The following ZNF536 variants were observed in gnomAD, a reference collection of about 807,000 sequenced individuals.
The protein encoded by ZNF536 is zinc finger protein 536.
In ZNF536, 13 loss-of-function variants were observed where a neutral mutation model predicts 84.5. That is an observed-to-expected ratio of 0.15 (90% CI 0.10 to 0.24). ZNF536 has a LOEUF of 0.24. Ranked by LOEUF, ZNF536 falls within the 10% of genes least tolerant of loss-of-function variation. ZNF536 has a pLI of 1.00. For missense variants in ZNF536, 1,536 were observed against 1,747.5 expected (o/e 0.88, Z 2.16); for synonymous variants, 811 against 742.5 (o/e 1.09, Z -1.50).
chr19:30,367,497 T>C (rs2048473343), upstream of ZNF536, among the ~76,000 whole-genome samples: 1 of 152,244 alleles, frequency 6.6e-6, no homozygotes, highest in African/African-American at 2.4e-5. Context: ...TAGACTCCTT[T>C]GCAATTCACA....
In ZNF536 at chr19:30,549,413, T is replaced by C; in HGVS notation, c.3794T>C (p.Leu1265Pro). 1 of 1,590,270 alleles carries C rather than the reference T, an allele frequency of 6.3e-7. No individual in the cohort carries two copies. The highest frequency in any genetic ancestry group is 2.2e-5 in the East Asian group (1 of 44,674). ...AGCCTGGACAAGCCGATGAACATGCTGTCGGTCCTCAGGGCCTACAGTTCT... is the reference window on the plus strand; with the variant it reads ...AGCCTGGACAAGCCGATGAACATGCCGTCGGTCCTCAGGGCCTACAGTTCT... Reference protein sequence around the residue: ...PQSLDKPMNMLSVLRAYSSDG... With the variant: ...PQSLDKPMNMPSVLRAYSSDG... Residue 1265 changes from leucine to proline, a missense_variant, in exon 4 of 5, where the codon CTG becomes CCG. Leu to Pro is a moderately conservative substitution (Grantham distance 98). Transcript: ENST00000355537.
chr19:30,387,606 G>T (rs542170375), intron 1 of ZNF536, among the ~76,000 whole-genome samples: 2 of 152,210 alleles, frequency 1.3e-5, no homozygotes, highest in African/African-American at 4.8e-5. Context: ...CATGACTCTC[G>T]AAGCTGATGA....
In ZNF536 at chr19:30,681,499, G is replaced by A. The variant is rs557907277; in HGVS notation, c.170-29258G>A. On this transcript the variant is annotated intron_variant, in intron 1 of 1. Transcript: ENST00000592773. The stretch of plus-strand genomic sequence containing the variant: ...AGAAAGTGCAGCTTAAGAGCTCTCC[G>A]CATGAAGCGCAGGAAGTCTTTCCCT... 1.6e-4 allele frequency among the ~76,000 whole-genome samples: 25 copies of A among 152,278 alleles called. No homozygotes were observed. The South Asian group carries it at 4.6e-3, about 28-fold the overall frequency.
At chr19:30,568,114 T>C (rs2046417235) in intron 1 of ZNF536, among the ~76,000 whole-genome samples, 1 of 152,248 alleles carries the variant, frequency 6.6e-6, no homozygotes, top group Non-Finnish European at 1.5e-5. Context: ...TTTCTGCTTT[T>C]GCCCTTTTAG....
At chr19:30,492,791 A>T (rs1479001656) in intron 2 of ZNF536, among the ~76,000 whole-genome samples, 1 of 152,212 alleles carries the variant, frequency 6.6e-6, no homozygotes, top group African/African-American at 2.4e-5. Flanking sequence ...GAGATAAAGC[A>T]TATACTATGG....
chr19:30,255,557 A>G (rs569257669), intron 1 of ZNF536, among the ~76,000 whole-genome samples: 26 of 152,332 alleles, frequency 1.7e-4, no homozygotes, highest in African/African-American at 5.3e-4. Context: ...ATACGATTAC[A>G]GTAATTAATT....
intron 3 of ZNF536, among the ~76,000 whole-genome samples, chr19:30,366,595 T>C (rs2048442379): frequency 6.9e-6 from 1 of 145,454 alleles, no homozygotes; most frequent in African/African-American, 2.5e-5. Context: ...TATCTATCTA[T>C]CTATCTATCT....
upstream of ZNF536, among the ~76,000 whole-genome samples, chr19:30,227,743 G>A (rs927995785): frequency 1.9e-4 from 28 of 151,068 alleles, no homozygotes; most frequent in Non-Finnish European, 3.7e-4. Flanking sequence ...CCCGGCAGCC[G>A]CCGCCGCCGC....
chr19:30,516,602 A>G (rs1413913163), intron 2 of ZNF536, among the ~76,000 whole-genome samples: 1 of 152,166 alleles, frequency 6.6e-6, no homozygotes, highest in Admixed American at 6.5e-5. Flanking sequence ...GTGTTCATTG[A>G]GTGACTCTGT....
rs1405841163 is a variant in ZNF536 at position 30,489,624 on chromosome 19, G to A, written c.2170+43892G>A. On this transcript the variant is annotated intron_variant, in intron 2 of 4. Coordinates refer to ENST00000355537, the MANE Select transcript of ZNF536 (RefSeq NM_014717.3). ...ATAAGGAAAATAAAATAATAAAAAC[G>A]TACAATATAATGTTGAGAAAAAATA... 8.6e-5 allele frequency among the ~76,000 whole-genome samples: 13 copies of A among 151,970 alleles called. No individual in the cohort carries two copies. In the East Asian group the frequency reaches 1.9e-3, roughly 23 times the overall value.
intron 1 of ZNF536, among the ~76,000 whole-genome samples, chr19:30,622,402 T>C (rs2048513657): frequency 6.6e-6 from 1 of 152,250 alleles, no homozygotes; most frequent in Non-Finnish European, 1.5e-5. Flanking sequence ...CCAAGTGCCA[T>C]CATGTCCCCC....
rs540096868 is a variant in ZNF536, at chr19:30,539,664, C to T, written c.2323+4665C>T. On this transcript the variant is annotated intron_variant, in intron 3 of 4. Transcript: ENST00000355537. ...ATGCACCCATGCCATTCTTTTCCTC[C>T]ATGTCCCCTCCCTGTGCACTACCTT... 5.9e-5 allele frequency among the ~76,000 whole-genome samples: 9 copies of T among 152,328 alleles called. No homozygotes were observed. The South Asian group carries it at 1.9e-3, about 32-fold the overall frequency.
intron 1 of ZNF536, among the ~76,000 whole-genome samples, chr19:30,617,331 TAC>T (rs1491576212): frequency 8.3e-6 from 1 of 119,790 alleles, no homozygotes; most frequent in South Asian, 2.7e-4. Flanking sequence ...CTGAATAGCT[TAC>T]TTTTTTTTTT....
At chr19:30,581,618 T>A (rs2046923389) in intron 1 of ZNF536, among the ~76,000 whole-genome samples, 2 of 152,180 alleles carry the variant, frequency 1.3e-5, no homozygotes, top group African/African-American at 4.8e-5. Context: ...ACTTTCTGGA[T>A]GTCTGTGGCT....
At chr19:30,363,518 C>A (rs528514424) in intron 3 of ZNF536, among the ~76,000 whole-genome samples, 3 of 152,206 alleles carry the variant, frequency 2.0e-5, no homozygotes, top group East Asian at 1.9e-4. Flanking sequence ...CCCGGAACCA[C>A]CATCCTAGGC....
intron 1 of ZNF536, among the ~76,000 whole-genome samples, chr19:30,675,448 C>T (rs550080506): frequency 2.6e-5 from 4 of 152,270 alleles, no homozygotes; most frequent in Non-Finnish European, 4.4e-5. Flanking sequence ...CTGTGGACCT[C>T]GGCTGGTCCT....
At chr19:30,457,053 A>C (rs1568450223) in intron 2 of ZNF536, among the ~76,000 whole-genome samples, 3 of 151,572 alleles carry the variant, frequency 2.0e-5, no homozygotes, top group East Asian at 1.9e-4. Flanking sequence ...AAAAAAAAAA[A>C]AAACAAAAAA....
intron 1 of ZNF536, among the ~76,000 whole-genome samples, chr19:30,595,401 C>T (rs1260339784): frequency 2.0e-5 from 3 of 152,148 alleles, no homozygotes; most frequent in South Asian, 4.1e-4. Context: ...TGTCTTCTGG[C>T]CTCAGCCTCC....
chr19:30,600,489 C>T (rs535075216), intron 1 of ZNF536, among the ~76,000 whole-genome samples: 1 of 152,328 alleles, frequency 6.6e-6, no homozygotes, highest in Admixed American at 6.5e-5. Flanking sequence ...CCCCCACAGG[C>T]TGACCGTTTC....
Sources: allele counts gnomAD v4.1 joint callset (sites outside exome capture counted in the v4.1 genomes callset), GRCh38; gene constraint gnomAD v4.1.1; transcripts MANE v1.5; gene names NCBI Gene and HGNC (gene_info 2026-07-23, HGNC 2026-07-21).